The following TMEM235 variants were observed in gnomAD, a reference collection of about 807,000 sequenced individuals.
TMEM235 encodes transmembrane protein 235.
TMEM235 carries 23 observed loss-of-function variants against 22.9 expected under a neutral mutation model. The ratio of observed to expected loss-of-function variants is 1.00; its 90% CI spans 0.72 to 1.42. TMEM235 has a LOEUF of 1.42. Among genes scored for constraint, TMEM235 ranks in the 40% most tolerant of loss-of-function variants. The probability of loss-of-function intolerance (pLI) is 0.00; values close to 1 mark genes in which losing one functional copy is unlikely to be tolerated. For synonymous variants in TMEM235, 137 were observed against 140.5 expected (o/e 0.98, Z 0.17); for missense variants, 308 against 299.5 (o/e 1.03, Z -0.21).
chr17:78,239,024 G>C, exon 5 of TMEM235: 1 of 1,538,268 alleles, frequency 6.5e-7, no homozygotes, highest in Non-Finnish European at 8.7e-7. Context: ...TCTCCCCCAG[G>C]TGTCCTGACA....
At chr17:78,239,238 C>A in exon 5 of TMEM235, 1 of 1,542,462 alleles carries the variant, frequency 6.5e-7, no homozygotes. Flanking sequence ...GCCCCCCAAT[C>A]TGTGGTCATC....
intron 3 of TMEM235, chr17:78,234,297 G>A (rs764424163): frequency 3.6e-5 from 25 of 689,100 alleles, no homozygotes; most frequent in African/African-American, 3.5e-5. Context: ...TTTAGGACTC[G>A]ATTCTTCCAG....
intron 2 of TMEM235, among the ~76,000 whole-genome samples, chr17:78,232,762 G>A (rs569813519): frequency 6.7e-6 from 1 of 149,676 alleles, no homozygotes; most frequent in African/African-American, 2.6e-5. Context: ...GCTGGGGCCA[G>A]CCTGGGGAGC....
chr17:78,231,673 T>A (rs1321882860), exon 2 of TMEM235: 1 of 1,294,496 alleles, frequency 7.7e-7, no homozygotes, highest in East Asian at 5.8e-5. Context: ...CTTGTTTGGC[T>A]GCTGAGGAGC....
exon 2 of TMEM235, chr17:78,231,651 A>C: frequency 7.7e-7 from 1 of 1,299,090 alleles, no homozygotes; most frequent in Non-Finnish European, 1.0e-6. Flanking sequence ...CAGCCCGGCC[A>C]GGCAGGTGCA....
intron 4 of TMEM235, 127 bp downstream of exon 3, chr17:78,234,857 G>A (rs763716131): frequency 9.5e-5 from 120 of 1,264,958 alleles, no homozygotes; most frequent in East Asian, 1.3e-4. Flanking sequence ...TGAGTCTGGC[G>A]ATGGAGCCGT....
Position 78,236,125 on chromosome 17 carries a change from G to T in TMEM235, c.409+1395G>T, listed in dbSNP as rs149875864. 3.2e-4 allele frequency among the ~76,000 whole-genome samples: 48 copies of T among 152,328 alleles called. No homozygotes were observed. The East Asian group carries it at 7.9e-3, about 25-fold the overall frequency. The stretch of plus-strand genomic sequence containing the variant: ...GATAGGAGCAGGGCTTCTGGTTGTG[G>T]GTCAGAGCCTGGGACAGGGAGGAGC... On this transcript the variant is annotated intron_variant, in intron 4 of 5. Coordinates refer to ENST00000421688, the Ensembl canonical transcript of TMEM235.
chr17:78,234,334 C>T (rs941697692), intron 3 of TMEM235: 2 of 702,788 alleles, frequency 2.8e-6, no homozygotes, highest in African/African-American at 1.7e-5. Flanking sequence ...CTGGCTGGCA[C>T]CTTCCACCTG....
intron 5 of TMEM235, 41 bp downstream of exon 4, chr17:78,239,314 G>A: frequency 1.3e-6 from 2 of 1,517,604 alleles, no homozygotes; most frequent in Non-Finnish European, 1.8e-6. Context: ...TCCCGGGATT[G>A]GGCGGTCAGG....
At position 78,231,513 on chromosome 17, in the gene TMEM235, A is replaced by G. The variant is rs568258075; in HGVS notation, c.-511A>G. 2.3e-6 allele frequency: 3 copies of G among 1,303,662 alleles called. No homozygotes were observed. In the South Asian group the frequency reaches 3.7e-5, roughly 16 times the overall value. The allele number at this position is 1,303,662 out of a possible 1,614,324, so 80.8% of individuals were successfully genotyped here. ...GTCCTCAGGACTGATACAGACCAGG[A>G]CCCCAGGGCCAGCCCGTGCCAGGCT... On this transcript the variant is annotated 5_prime_UTR_variant, in exon 2 of 6. Transcript: ENST00000421688.
intron 4 of TMEM235, among the ~76,000 whole-genome samples, chr17:78,235,394 TCTC>T (rs1299752174): frequency 6.6e-6 from 1 of 151,896 alleles, no homozygotes; most frequent in African/African-American, 2.4e-5. Context: ...TTCGAGCAAT[TCTC>T]CTGCCTCAGC....
At chr17:78,235,318 G>A (rs1315202488) in intron 4 of TMEM235, among the ~76,000 whole-genome samples, 3 of 148,870 alleles carry the variant, frequency 2.0e-5, no homozygotes, top group East Asian at 1.9e-4. Context: ...ATGGAGTTTC[G>A]CTCTTGTTGC....
upstream of TMEM235, chr17:78,231,303 C>T (rs2076576088): frequency 1.1e-6 from 1 of 941,018 alleles, no homozygotes; most frequent in South Asian, 1.6e-5. Flanking sequence ...ACTGGCACCC[C>T]ACGCCTGTCC....
chr17:78,236,468 T>G (rs886185329), intron 4 of TMEM235, among the ~76,000 whole-genome samples: 7 of 152,162 alleles, frequency 4.6e-5, no homozygotes, highest in Non-Finnish European at 8.8e-5. Flanking sequence ...GCTGGCCAAG[T>G]GCTCCTCCGA....
At chr17:78,234,928 A>G (rs991558622) in intron 4 of TMEM235, among the ~76,000 whole-genome samples, 198 bp downstream of exon 3, 1 of 152,210 alleles carries the variant, frequency 6.6e-6, no homozygotes, top group East Asian at 1.9e-4. Flanking sequence ...ACGTTGCTAT[A>G]AAGAAATGCC....
At position 78,232,228 on chromosome 17, in the gene TMEM235, CGCCG is replaced by C; in HGVS notation, c.190+19_190+22del. Reference sequence around the variant, plus strand: ...CATCTGCGAAGGTAACCGGCCACCGCGCCGGCCCTCCTCCCTCCGCGACCTCGTC... The same window carrying C: ...CATCTGCGAAGGTAACCGGCCACCGCGCCCTCCTCCCTCCGCGACCTCGTC... On this transcript the variant is annotated intron_variant, in intron 2 of 5. Coordinates refer to ENST00000421688, the Ensembl canonical transcript of TMEM235. The C allele has an allele frequency of 6.9e-7, 1 of 1,441,302 alleles. No individual in the cohort carries two copies. Among genetic ancestry groups the C allele is most frequent in the East Asian group, 3.0e-5 (1 of 33,308 alleles). 89.3% of individuals were successfully genotyped at this position (1,441,302 alleles called of 1,614,324 possible). A position where few individuals can be genotyped will look rare whatever the true frequency, so the allele number is the denominator to read the frequency against.
rs769751369 is a variant in TMEM235, at chr17:78,231,484, G to T, written c.-540G>T. On this transcript the variant is annotated 5_prime_UTR_variant, in exon 2 of 6. Coordinates refer to ENST00000421688, the Ensembl canonical transcript of TMEM235. ...ACTGCACTTCACCGGATGCCGTCTGGTTGGTCCTCAGGACTGATACAGACC... is the reference window on the plus strand; with the variant it reads ...ACTGCACTTCACCGGATGCCGTCTGTTTGGTCCTCAGGACTGATACAGACC... 3.9e-5 allele frequency: 51 copies of T among 1,303,714 alleles called. 2 individuals carry two copies. In the East Asian group the frequency reaches 2.4e-3, roughly 63 times the overall value. 80.8% of individuals were successfully genotyped at this position (1,303,714 alleles called of 1,614,324 possible).
rs768297310 is a variant in TMEM235, at chr17:78,240,349, C to A, written c.*557C>A. On this transcript the variant is annotated 3_prime_UTR_variant, in exon 6 of 6. Coordinates refer to ENST00000421688, the Ensembl canonical transcript of TMEM235. ...AGGGCTGGGCCTGGAGTTTGGGATG[C>A]AGGCTTGTTAAACACAGGGCAGAAC... 1.9e-4 allele frequency: 38 copies of A among 200,378 alleles called. 1 individual carries two copies. Among genetic ancestry groups the A allele is most frequent in the Non-Finnish European group, 2.4e-4 (23 of 94,022 alleles). 12.4% of individuals were successfully genotyped at this position (200,378 alleles called of 1,614,324 possible).
Position 78,238,835 on chromosome 17 carries a change from G to A in TMEM235, c.410-189G>A, listed in dbSNP as rs2076674418. Among the ~76,000 whole-genome samples, 1 of 152,042 alleles carries A rather than the reference G, an allele frequency of 6.6e-6. No individual in the cohort carries two copies. ...CCTGTCCAACCCCAAGCAGGAGGTG[G>A]TGTCTGGGAGAGGCGGCCAGGTTGA... On this transcript the variant is annotated intron_variant, in intron 4 of 5. Transcript: ENST00000421688. This position sits in a 1 kb window ranked among gnomAD's most constrained non-coding sequence, Gnocchi z 4.3.
Sources: allele counts gnomAD v4.1 joint callset (sites outside exome capture counted in the v4.1 genomes callset), GRCh38; gene constraint gnomAD v4.1.1; non-coding constraint Gnocchi (gnomAD v3.1); transcripts MANE v1.5; gene names NCBI Gene and HGNC (gene_info 2026-07-23, HGNC 2026-07-21).